SLC35F2: variants seen among roughly 807,000 people sequenced by gnomAD.
SLC35F2 encodes queuine/queuosine transporter SLC35F2.
A neutral mutation model predicts 38.1 loss-of-function variants in SLC35F2; 25 were observed. That is an observed-to-expected ratio of 0.66 (90% CI 0.48 to 0.92). The LOEUF (loss-of-function observed/expected upper bound fraction) is 0.92. Ranked by LOEUF, SLC35F2 falls within the 40% of genes least tolerant of loss-of-function variation. The probability of loss-of-function intolerance (pLI) is 0.00; values close to 1 mark genes in which losing one functional copy is unlikely to be tolerated. For synonymous variants in SLC35F2, 173 were observed against 181.7 expected (o/e 0.95, Z 0.38); for missense variants, 409 against 452.9 (o/e 0.90, Z 0.88).
intron 7 of SLC35F2, among the ~76,000 whole-genome samples, chr11:107,796,105 G>A (rs369715867): frequency 6.6e-6 from 1 of 152,220 alleles, no homozygotes; most frequent in East Asian, 1.9e-4. Context: ...CTCCAGCCTG[G>A]GCAACAGAGC....
At chr11:107,792,974 T>C (rs1859157144) in intron 7 of SLC35F2, 174 bp from the exon 8 acceptor site, 1 of 952,642 alleles carries the variant, frequency 1.0e-6, no homozygotes, top group African/African-American at 1.8e-5. Flanking sequence ...TGGAGTGCAG[T>C]GGCACAATCT....
intron 1 of SLC35F2, among the ~76,000 whole-genome samples, chr11:107,820,313 G>A (rs1775477744): frequency 6.9e-6 from 1 of 144,496 alleles, no homozygotes; most frequent in Admixed American, 6.7e-5. Flanking sequence ...GGGGAAGGAA[G>A]GAAGGAGGGA....
At chr11:107,829,886 C>T (rs1859809397) in intron 1 of SLC35F2, among the ~76,000 whole-genome samples, 1 of 151,956 alleles carries the variant, frequency 6.6e-6, no homozygotes, top group South Asian at 2.1e-4. Context: ...ACTTTGCTGC[C>T]AAAAGAATTC....
intron 3 of SLC35F2, chr11:107,809,778 T>C (rs948058971): frequency 3.4e-5 from 33 of 984,820 alleles, no homozygotes; most frequent in Admixed American, 6.2e-5. Flanking sequence ...ACAAGTTAGA[T>C]CATATTAGAG....
At chr11:107,838,654 A>C (rs2134837527) in intron 1 of SLC35F2, among the ~76,000 whole-genome samples, 1 of 87,722 alleles carries the variant, frequency 1.1e-5, no homozygotes, top group African/African-American at 4.8e-5. Flanking sequence ...TTTTTGAGAC[A>C]GTCTTGCTCT....
chr11:107,827,605 C>T (rs1044282380), intron 1 of SLC35F2, among the ~76,000 whole-genome samples: 23 of 151,994 alleles, frequency 1.5e-4, no homozygotes, highest in African/African-American at 5.1e-4. Flanking sequence ...AAAAATCAGC[C>T]GGGCATGGTG....
intron 1 of SLC35F2, chr11:107,840,694 T>C (rs1282332369): frequency 6.6e-6 from 1 of 152,246 alleles, no homozygotes; most frequent in Non-Finnish European, 1.5e-5. Flanking sequence ...TTTGGACTCC[T>C]GGCTCCTGCT....
intron 7 of SLC35F2, 149 bp downstream of exon 7, chr11:107,802,852 T>A (rs1007318050): frequency 1.9e-5 from 14 of 730,706 alleles, no homozygotes; most frequent in Non-Finnish European, 2.8e-5. Flanking sequence ...CATTTTGTAA[T>A]TCAGAAGCAG....
At chr11:107,799,957 C>T (rs1347333137) in intron 7 of SLC35F2, among the ~76,000 whole-genome samples, 3 of 151,072 alleles carry the variant, frequency 2.0e-5, no homozygotes, top group African/African-American at 4.9e-5. Context: ...GGCGTGATCT[C>T]GGCTTATTGC....
intron 1 of SLC35F2, among the ~76,000 whole-genome samples, chr11:107,840,235 G>A (rs1565439584): frequency 1.3e-5 from 2 of 152,290 alleles, no homozygotes; most frequent in South Asian, 2.1e-4. Context: ...GTAGGATCAG[G>A]AAGCATAGGA....
chr11:107,818,395 C>CA (rs1018471781), intron 1 of SLC35F2, among the ~76,000 whole-genome samples: 2 of 150,908 alleles, frequency 1.3e-5, no homozygotes, highest in African/African-American at 4.9e-5. Flanking sequence ...CATACCACTA[C>CA]AAAAAAGAAA....
At chr11:107,808,477 T>G (rs1238119322) in intron 3 of SLC35F2, among the ~76,000 whole-genome samples, 2 of 152,192 alleles carry the variant, frequency 1.3e-5, no homozygotes, top group Non-Finnish European at 2.9e-5. Flanking sequence ...AGAAATATAT[T>G]CCTTATACCA....
chr11:107,799,739 A>G (rs1249619266), intron 7 of SLC35F2, among the ~76,000 whole-genome samples: 1 of 151,726 alleles, frequency 6.6e-6, no homozygotes, highest in South Asian at 2.1e-4. Context: ...CTCCAAGCTA[A>G]TTTTTGTACT....
intron 1 of SLC35F2, among the ~76,000 whole-genome samples, chr11:107,856,060 G>A (rs1345978940): frequency 2.0e-5 from 3 of 147,008 alleles, no homozygotes; most frequent in East Asian, 4.0e-4. Flanking sequence ...AGCCATGATC[G>A]TGCCGCTGCA....
chr11:107,830,300 T>C (rs3105399), intron 1 of SLC35F2, among the ~76,000 whole-genome samples: 54,822 of 151,888 alleles, frequency 0.36, 10,059 homozygotes, highest in South Asian at 0.47. Flanking sequence ...AAGAAAATAC[T>C]GTTGGCTGGG....
intron 3 of SLC35F2, chr11:107,811,160 G>A: frequency 1.0e-6 from 1 of 984,932 alleles, no homozygotes; most frequent in South Asian, 4.7e-5. Context: ...CCTCTGCAAT[G>A]TAGGAATATT....
chr11:107,792,448 T>C lies in SLC35F2; in HGVS notation c.*167A>G, dbSNP rs1229026366. The stretch of plus-strand genomic sequence containing the variant: ...CTTGGTTTCTGCTCTATTTTGGTAT[T>C]TCTACTTTTGAACTTTGTTCAGTGT... On this transcript the variant is annotated 3_prime_UTR_variant, in exon 8 of 8. Transcript: ENST00000525815. 2 of 733,012 alleles carry C rather than the reference T, an allele frequency of 2.7e-6. No homozygotes were observed. The highest frequency in any genetic ancestry group is 6.8e-5 in the Admixed American group (2 of 29,280). 45.4% of individuals were successfully genotyped at this position (733,012 alleles called of 1,614,324 possible).
intron 1 of SLC35F2, among the ~76,000 whole-genome samples, chr11:107,820,614 C>G (rs1050820527): frequency 9.2e-5 from 14 of 152,096 alleles, no homozygotes; most frequent in South Asian, 6.2e-4. Flanking sequence ...TCCCTCTCTT[C>G]CCCTCCTGTA....
intron 7 of SLC35F2, among the ~76,000 whole-genome samples, chr11:107,800,616 GGCTGGAGT>G (rs1486239094): frequency 1.3e-5 from 2 of 152,164 alleles, no homozygotes; most frequent in African/African-American, 4.8e-5. Flanking sequence ...CTGTCAGCCA[GGCTGGAGT>G]GCAGTGGTGT....
Sources: allele counts gnomAD v4.1 joint callset (sites outside exome capture counted in the v4.1 genomes callset), GRCh38; gene constraint gnomAD v4.1.1; transcripts MANE v1.5; gene names NCBI Gene and HGNC (gene_info 2026-07-23, HGNC 2026-07-21).